The following SPDYE14 variants were observed in gnomAD, a reference collection of about 807,000 sequenced individuals.
SPDYE14 encodes the protein speedy/RINGO cell cycle regulator family member E14.
At chr7:75,247,426 GAA>G in the SPDYE14 span, among the ~76,000 whole-genome samples, 1 of 45,250 alleles carries the variant, frequency 2.2e-5, no homozygotes, top group Non-Finnish European at 6.2e-5. Flanking sequence ...AAGAAAAGAT[GAA>G]AGAGAGAGAG....
At chr7:75,278,235 G>A in the SPDYE14 span, among the ~76,000 whole-genome samples, 2 of 56,698 alleles carry the variant, frequency 3.5e-5, 1 homozygote, top group Non-Finnish European at 9.0e-5. Flanking sequence ...TGTGCATCAG[G>A]ATGTAGAGAG....
the SPDYE14 span, among the ~76,000 whole-genome samples, chr7:75,244,132 T>C: frequency 0.011 from 568 of 53,048 alleles, 209 homozygotes; most frequent in Non-Finnish European, 0.015. Flanking sequence ...GAGTCTTGCT[T>C]TGTCACCCAG....
At chr7:75,240,182 C>A in the SPDYE14 span, among the ~76,000 whole-genome samples, 1,028 of 14,526 alleles carry the variant, frequency 0.071, 195 homozygotes, top group African/African-American at 0.17. Context: ...GCTGAGATCG[C>A]GCCACTGCAC....
At chr7:75,272,998 A>G in the SPDYE14 span, among the ~76,000 whole-genome samples, 2 of 58,734 alleles carry the variant, frequency 3.4e-5, 1 homozygote, top group African/African-American at 8.0e-5. Flanking sequence ...CGGATTTCTC[A>G]TGAATGGGCT....
the SPDYE14 span, among the ~76,000 whole-genome samples, chr7:75,241,693 A>ATTTTTT: frequency 4.4e-5 from 1 of 22,706 alleles, no homozygotes; most frequent in Admixed American, 7.7e-4. Flanking sequence ...ATATATATAT[A>ATTTTTT]TATTTTTTTT....
the SPDYE14 span, among the ~76,000 whole-genome samples, chr7:75,259,700 C>T: frequency 5.0e-4 from 1 of 2,010 alleles, no homozygotes; most frequent in African/African-American, 1.1e-3. Context: ...GCAGAGGGAG[C>T]TGTGCCCAGG....
At chr7:75,249,578 T>TTCCC in the SPDYE14 span, among the ~76,000 whole-genome samples, 1 of 60,240 alleles carries the variant, frequency 1.7e-5, no homozygotes, top group Non-Finnish European at 3.4e-5. Flanking sequence ...TCCTTCCTTC[T>TTCCC]TTCCTTCCTT....
chr7:75,237,696 T>C, the SPDYE14 span: 1 of 106,304 alleles, frequency 9.4e-6, no homozygotes, highest in African/African-American at 2.7e-5. Flanking sequence ...TGGTGTTCGC[T>C]GTAACAAACA....
the SPDYE14 span, among the ~76,000 whole-genome samples, chr7:75,268,875 G>C: frequency 5.1e-4 from 13 of 25,418 alleles, 4 homozygotes; most frequent in African/African-American, 1.1e-3. Context: ...GAGAGAGAGA[G>C]AGAGAGAGAG....
the SPDYE14 span, among the ~76,000 whole-genome samples, chr7:75,261,259 C>G: frequency 2.9e-5 from 2 of 68,378 alleles, no homozygotes; most frequent in African/African-American, 7.1e-5. Flanking sequence ...GGAACTGTCT[C>G]AACTACAGGG....
the SPDYE14 span, among the ~76,000 whole-genome samples, chr7:75,258,430 AATG>A: frequency 2.0e-5 from 1 of 50,968 alleles, no homozygotes; most frequent in Non-Finnish European, 4.7e-5. Flanking sequence ...GTTTGCTCAG[AATG>A]ATGGTTTCCA....
At chr7:75,247,577 C>A in the SPDYE14 span, among the ~76,000 whole-genome samples, 2 of 54,194 alleles carry the variant, frequency 3.7e-5, no homozygotes, top group African/African-American at 8.2e-5. Context: ...TATATTAACT[C>A]ATTAATTCTT....
the SPDYE14 span, among the ~76,000 whole-genome samples, chr7:75,278,165 G>T: frequency 6.7e-5 from 4 of 59,550 alleles, 2 homozygotes; most frequent in Admixed American, 9.8e-4. Flanking sequence ...GGTTTTGTTG[G>T]GAAAGAAAGG....
the SPDYE14 span, among the ~76,000 whole-genome samples, chr7:75,261,056 T>C: frequency 1.2e-5 from 1 of 81,576 alleles, no homozygotes; most frequent in African/African-American, 3.0e-5. Flanking sequence ...ACCTGGGAGG[T>C]GGAGGTTGCA....
the SPDYE14 span, among the ~76,000 whole-genome samples, chr7:75,247,428 AAG>A: frequency 4.9e-4 from 30 of 61,608 alleles, 1 homozygote; most frequent in Admixed American, 1.0e-3. Context: ...GAAAAGATGA[AAG>A]AGAGAGAGAA....
the SPDYE14 span, among the ~76,000 whole-genome samples, chr7:75,273,399 TG>T: frequency 8.4e-5 from 5 of 59,330 alleles, 2 homozygotes; most frequent in Admixed American, 4.8e-4. Flanking sequence ...TTGCTGGGCG[TG>T]GTGGCAGACG....
the SPDYE14 span, among the ~76,000 whole-genome samples, chr7:75,279,030 A>G: frequency 4.9e-4 from 58 of 117,368 alleles, no homozygotes; most frequent in South Asian, 1.2e-3. Context: ...ATGAATACTC[A>G]GTGTTGGCAG....
chr7:75,275,249 C>G, the SPDYE14 span, among the ~76,000 whole-genome samples: 2 of 49,240 alleles, frequency 4.1e-5, 1 homozygote, highest in Non-Finnish European at 1.1e-4. Context: ...TCATTGAGAA[C>G]GGGCCAGGAT....
At chr7:75,249,620 TCC>T in the SPDYE14 span, among the ~76,000 whole-genome samples, 1 of 62,734 alleles carries the variant, frequency 1.6e-5, no homozygotes, top group Non-Finnish European at 3.4e-5. Context: ...CTTCCTTCCT[TCC>T]TTCCTTCCTT....
Sources: gnomAD v4.1 joint callset for allele counts (sites outside exome capture counted in the v4.1 genomes callset) on GRCh38, gnomAD v4.1.1 for gene constraint, MANE v1.5 for transcripts, NCBI Gene and HGNC (gene_info 2026-07-23, HGNC 2026-07-21) for gene names.